Variants in DCLK2 observed in about 807,000 individuals in gnomAD.
DCLK2 encodes serine/threonine-protein kinase DCLK2.
In DCLK2, 31 loss-of-function variants were observed where a neutral mutation model predicts 78.4. The ratio of observed to expected loss-of-function variants is 0.40; its 90% CI spans 0.30 to 0.53. The LOEUF (loss-of-function observed/expected upper bound fraction) is 0.53. DCLK2 is among the 20% of genes least tolerant of loss of function. The pLI, the probability that DCLK2 is intolerant of heterozygous loss-of-function variation, is 0.61. For synonymous variants in DCLK2, 407 were observed against 374.9 expected (o/e 1.09, Z -0.99); for missense variants, 872 against 973.7 (o/e 0.90, Z 1.39).
intron 12 of DCLK2, among the ~76,000 whole-genome samples, chr4:150,244,705 T>C (rs1743175717): frequency 6.6e-6 from 1 of 152,220 alleles, no homozygotes; most frequent in South Asian, 2.1e-4. Context: ...CTTACATGAC[T>C]GCTAAGAAAG....
intron 10 of DCLK2, among the ~76,000 whole-genome samples, chr4:150,236,256 C>G (rs1051683498): frequency 2.0e-5 from 3 of 152,162 alleles, no homozygotes. Context: ...TTTAAATTCA[C>G]TCAAAATCTG....
intron 1 of DCLK2, among the ~76,000 whole-genome samples, chr4:150,080,119 C>A (rs908111538): frequency 2.0e-5 from 3 of 151,034 alleles, no homozygotes; most frequent in Non-Finnish European, 3.0e-5. Flanking sequence ...AAGCCCCCCC[C>A]CCAGGTGATT....
In DCLK2 at chr4:150,221,780, A is replaced by G. The variant is rs534744184; in HGVS notation, c.1236A>G (p.Ile412Met). 50 of 1,563,718 alleles carry G rather than the reference A, an allele frequency of 3.2e-5. No homozygotes were observed. In the East Asian group the frequency reaches 1.1e-3, roughly 34 times the overall value. Residue 412 changes from isoleucine to methionine, a missense_variant, in exon 7 of 16, where the codon ATA (isoleucine) becomes ATG (methionine). Transcript: ENST00000296550. ...DGNFAVVKEC[I>M]DRSTGKEFAL... ...ATTTTGCAGTAGTCAAAGAGTGTAT[A>G]GACAGGTGAGTGGACAGTGAGGATA...
At chr4:150,253,325 A>T in intron 15 of DCLK2, 1 of 773,166 alleles carries the variant, frequency 1.3e-6, no homozygotes, top group Admixed American at 2.0e-5. Flanking sequence ...TAACTTACAG[A>T]CAGGACCTTC....
Position 150,080,111 on chromosome 4 carries a change from G to GCCCCCC in DCLK2, c.421+668_421+673dup, listed in dbSNP as rs540978992. 4.3e-3 allele frequency among the ~76,000 whole-genome samples: 559 copies of GCCCCCC among 129,114 alleles called. 35 individuals carry two copies. The highest frequency in any genetic ancestry group is 8.1e-3 in the Non-Finnish European group (451 of 55,570). The allele number at this position is 129,114 out of a possible 152,430, so 84.7% of individuals were successfully genotyped here. ...GGGTTAGGCGTCTGGAGTCTCAAAA[G>GCCCCCC]CCCCCCCCCCAGGTGATTCTAATGT... On this transcript the variant is annotated intron_variant, in intron 1 of 15. Transcript: ENST00000296550.
intron 1 of DCLK2, among the ~76,000 whole-genome samples, chr4:150,087,092 G>A (rs1380106161): frequency 4.6e-5 from 7 of 151,992 alleles, no homozygotes; most frequent in Admixed American, 2.6e-4. Context: ...CCTAATCCCC[G>A]GGATATTTTG....
intron 4 of DCLK2, among the ~76,000 whole-genome samples, chr4:150,199,626 CCTGTTCTCT>C (rs1739316895): frequency 6.6e-6 from 1 of 152,196 alleles, no homozygotes; most frequent in Non-Finnish European, 1.5e-5. Context: ...ATAGACTCAA[CCTGTTCTCT>C]CTAAAAATGT....
At chr4:150,193,297 G>T (rs1335062369) in intron 3 of DCLK2, 57 bp downstream of exon 3, 10 of 1,205,232 alleles carry the variant, frequency 8.3e-6, no homozygotes, top group Non-Finnish European at 1.1e-5. Context: ...TGAAATGAAG[G>T]CTTGGGATTT....
chr4:150,224,421 A>T, intron 7 of DCLK2, 80 bp from the exon 8 acceptor site: 2 of 1,351,180 alleles, frequency 1.5e-6, no homozygotes, highest in East Asian at 2.4e-5. Context: ...AAAAAAAATT[A>T]AAGTATAAAA....
chr4:150,219,366 C>G (rs1156490277), intron 5 of DCLK2, among the ~76,000 whole-genome samples: 4 of 144,840 alleles, frequency 2.8e-5, no homozygotes, highest in Non-Finnish European at 4.5e-5. Flanking sequence ...CCTCCCAGTT[C>G]AAGCGATTCT....
At chr4:150,187,963 G>C (rs1560848165) in intron 2 of DCLK2, among the ~76,000 whole-genome samples, 1 of 152,152 alleles carries the variant, frequency 6.6e-6, no homozygotes, top group East Asian at 1.9e-4. Flanking sequence ...ACCACACCCA[G>C]CTAATTTTTA....
chr4:150,143,488 A>C (rs1341630907), intron 2 of DCLK2, among the ~76,000 whole-genome samples: 1 of 152,194 alleles, frequency 6.6e-6, no homozygotes, highest in African/African-American at 2.4e-5. Flanking sequence ...TACTTTAATA[A>C]ATAATTACAA....
At chr4:150,217,228 A>G (rs1740788442) in intron 5 of DCLK2, among the ~76,000 whole-genome samples, 1 of 152,224 alleles carries the variant, frequency 6.6e-6, no homozygotes, top group Non-Finnish European at 1.5e-5. Flanking sequence ...AGAATTTTGC[A>G]AAGTCACAGC....
intron 2 of DCLK2, among the ~76,000 whole-genome samples, chr4:150,119,437 CA>C (rs1390459391): frequency 6.6e-6 from 1 of 152,110 alleles, no homozygotes; most frequent in East Asian, 1.9e-4. Flanking sequence ...AAGCTGTAGA[CA>C]AAAAGTTGTT....
intron 2 of DCLK2, among the ~76,000 whole-genome samples, chr4:150,125,329 C>T (rs535770674): frequency 2.6e-5 from 4 of 152,142 alleles, no homozygotes; most frequent in South Asian, 4.2e-4. Context: ...TTCCTATTTT[C>T]CAGAATATGT....
chr4:150,166,041 C>T (rs573122306), intron 2 of DCLK2, among the ~76,000 whole-genome samples: 1 of 152,316 alleles, frequency 6.6e-6, no homozygotes, highest in African/African-American at 2.4e-5. Flanking sequence ...GCTTCCAGAA[C>T]CGTGAGAAAT....
chr4:150,214,834 C>T (rs1560876645), intron 5 of DCLK2, among the ~76,000 whole-genome samples: 2 of 151,688 alleles, frequency 1.3e-5, no homozygotes, highest in African/African-American at 4.8e-5. Context: ...TGGTGGCACA[C>T]GCCTGTAATC....
chr4:150,218,098 C>G (rs1740878139), intron 5 of DCLK2, among the ~76,000 whole-genome samples: 1 of 148,924 alleles, frequency 6.7e-6, no homozygotes, highest in East Asian at 2.0e-4. Context: ...CCCCCCCTCC[C>G]CCCACAACGA....
chr4:150,185,885 C>T (rs1275954980), intron 2 of DCLK2, among the ~76,000 whole-genome samples: 1 of 152,108 alleles, frequency 6.6e-6, no homozygotes, highest in Non-Finnish European at 1.5e-5. Context: ...ATTAATCTGT[C>T]TAGTGAAGGA....
Sources: allele counts gnomAD v4.1 joint callset (sites outside exome capture counted in the v4.1 genomes callset), GRCh38; gene constraint gnomAD v4.1.1; transcripts MANE v1.5; gene names NCBI Gene and HGNC (gene_info 2026-07-23, HGNC 2026-07-21).